Variants in IKBKG observed in about 807,000 individuals in gnomAD.
IKBKG encodes NF-kappa-B essential modulator.
IKBKG carries 2 observed loss-of-function variants against 13.7 expected under a neutral mutation model. The ratio of observed to expected loss-of-function variants is 0.15; its 90% CI spans 0.06 to 0.46. The LOEUF (loss-of-function observed/expected upper bound fraction) is 0.46, where lower values mean the gene tolerates loss of function less well. Ranked by LOEUF, IKBKG falls within the 20% of genes least tolerant of loss-of-function variation. The pLI, the probability that IKBKG is intolerant of heterozygous loss-of-function variation, is 0.98. For synonymous variants in IKBKG, 22 were observed against 64.4 expected (o/e 0.34, Z 3.15); for missense variants, 53 against 150.3 (o/e 0.35, Z 3.39).
upstream of IKBKG, chrX:154,546,817 C>T (rs782481467): frequency 2.5e-5 from 29 of 1,161,560 alleles, no homozygotes; most frequent in Non-Finnish European, 3.3e-5. Context: ...GCCCTCCGCG[C>T]TCGCAGCCCC....
upstream of IKBKG, chrX:154,546,779 G>A (rs935099185): frequency 1.4e-4 from 158 of 1,154,274 alleles, no homozygotes; most frequent in Non-Finnish European, 1.7e-4. Context: ...GCGCCCGCCC[G>A]GCCGGTTACC....
At chrX:154,550,657 CAGG>C (rs1557234818) in intron 1 of IKBKG, among the ~76,000 whole-genome samples, 1 of 109,696 alleles carries the variant, frequency 9.1e-6, no homozygotes, top group African/African-American at 3.3e-5. Context: ...GGGAGGAAAC[CAGG>C]AGAAGGGGCT....
At chrX:154,545,919 G>T, upstream of IKBKG, 1 of 925,328 alleles carries the variant, frequency 1.1e-6, no homozygotes, top group Non-Finnish European at 1.5e-6. Flanking sequence ...TAGCAGGAGC[G>T]GGAGGAGGAG....
intron 3 of IKBKG, 121 bp from the exon 4 acceptor site, chrX:154,558,410 GA>G: frequency 8.1e-6 from 3 of 369,683 alleles, no homozygotes; most frequent in Non-Finnish European, 1.4e-5. Context: ...CCGAGGGCAG[GA>G]AAAAAGGCCT....
At chrX:154,552,926 C>T (rs1433667254) in intron 2 of IKBKG, among the ~76,000 whole-genome samples, 1 of 112,107 alleles carries the variant, frequency 8.9e-6, no homozygotes, top group Non-Finnish European at 1.9e-5. Flanking sequence ...TCTTCCCCCT[C>T]ACCCCCTCTC....
chrX:154,546,299 G>A (rs1603415307), upstream of IKBKG: 1 of 847,597 alleles, frequency 1.2e-6, no homozygotes, highest in Non-Finnish European at 1.7e-6. Flanking sequence ...GTGAACGGCT[G>A]GGCATTGGGG....
upstream of IKBKG, chrX:154,547,310 C>G (rs2070769095): frequency 1.3e-6 from 1 of 753,591 alleles, no homozygotes; most frequent in South Asian, 6.7e-5. Context: ...CTCGCCTGTT[C>G]GCGGGTCAAG....
At chrX:154,544,073 G>A (rs1315531434), upstream of IKBKG, among the ~76,000 whole-genome samples, 3 of 110,391 alleles carry the variant, frequency 2.7e-5, no homozygotes, top group Non-Finnish European at 5.7e-5. Flanking sequence ...ATGTTAGCCA[G>A]GATGGTCTCA....
intron 2 of IKBKG, among the ~76,000 whole-genome samples, chrX:154,554,638 C>T (rs2071014341): frequency 9.0e-6 from 1 of 111,075 alleles, no homozygotes; most frequent in Non-Finnish European, 1.9e-5. Flanking sequence ...ACCTATAATC[C>T]CAGCTACTTG....
At chrX:154,546,466 TG>T (rs1340505914), upstream of IKBKG, among the ~76,000 whole-genome samples, 1 of 112,020 alleles carries the variant, frequency 8.9e-6, no homozygotes, top group African/African-American at 3.2e-5. Context: ...TTGTGGGGCA[TG>T]GAACTGCGTG....
At chrX:154,555,829 C>T (rs1557235927) in intron 2 of IKBKG, among the ~76,000 whole-genome samples, 3 of 112,771 alleles carry the variant, frequency 2.7e-5, no homozygotes. Context: ...ATCCACCCAC[C>T]TTGGCCTCCC....
chrX:154,551,208 A>G lies in IKBKG; in HGVS notation c.-15-780A>G, dbSNP rs142579132. On this transcript the variant is annotated intron_variant, in intron 1 of 9. Coordinates refer to ENST00000594239, the MANE Select transcript of IKBKG (RefSeq NM_001099857.5). ...CATGATTGGCCCGCCTCGGCCTCCC[A>G]AAGTGCTGGGATTACAGGTGTGAGC... Among the ~76,000 whole-genome samples the G allele has an allele frequency of 9.0e-3, 974 of 108,423 alleles. 13 individuals carry two copies. Among genetic ancestry groups the G allele is most frequent in the African/African-American group, 0.03 (899 of 29,477 alleles). The allele number at this position is 108,423 out of a possible 115,157, so 94.2% of individuals were successfully genotyped here.
intron 2 of IKBKG, among the ~76,000 whole-genome samples, chrX:154,552,401 C>T (rs1557235296): frequency 8.9e-6 from 1 of 111,871 alleles, no homozygotes; most frequent in Non-Finnish European, 1.9e-5. Context: ...GGGAAGAAGC[C>T]AGGGAGGGCA....
At chrX:154,541,644 A>T (rs1464276232) in intron 1 of IKBKG, among the ~76,000 whole-genome samples, 2 of 111,561 alleles carry the variant, frequency 1.8e-5, no homozygotes, top group South Asian at 3.7e-4. Context: ...CCTTAGTGAA[A>T]AGCAGTTGGG....
upstream of IKBKG, chrX:154,546,793 G>A (rs1557233488): frequency 1.7e-6 from 2 of 1,161,245 alleles, no homozygotes; most frequent in East Asian, 6.5e-5. Context: ...GGTTACCTGC[G>A]CTTCGTCGTC....
upstream of IKBKG, among the ~76,000 whole-genome samples, chrX:154,542,734 G>A (rs1303546647): frequency 8.9e-6 from 1 of 111,917 alleles, no homozygotes; most frequent in African/African-American, 3.3e-5. Context: ...CGGGGCTCCG[G>A]GCATTTGCTC....
chrX:154,543,179 G>C (rs1408475437), upstream of IKBKG, among the ~76,000 whole-genome samples: 1 of 112,406 alleles, frequency 8.9e-6, no homozygotes, highest in East Asian at 2.8e-4. Flanking sequence ...TCTTCAGAGA[G>C]AGGACCCCTT....
intron 1 of IKBKG, among the ~76,000 whole-genome samples, chrX:154,548,947 C>T (rs782776208): frequency 9.1e-5 from 10 of 109,541 alleles, no homozygotes; most frequent in South Asian, 7.8e-4. Flanking sequence ...TTATATCCCT[C>T]GCAATCCTCT....
At chrX:154,554,972 G>A (rs1443473081) in intron 2 of IKBKG, among the ~76,000 whole-genome samples, 2 of 111,408 alleles carry the variant, frequency 1.8e-5, no homozygotes, top group Non-Finnish European at 3.8e-5. Context: ...CACCTCAGAT[G>A]GCTTCTTCAC....
Sources: gnomAD v4.1 joint callset for allele counts (sites outside exome capture counted in the v4.1 genomes callset) on GRCh38, gnomAD v4.1.1 for gene constraint, MANE v1.5 for transcripts, NCBI Gene and HGNC (gene_info 2026-07-23, HGNC 2026-07-21) for gene names.